The following LMOD1 variants were observed in gnomAD, a reference collection of about 807,000 sequenced individuals.
The protein encoded by LMOD1 is leiomodin-1.
Under a neutral mutation model 36.5 loss-of-function variants are expected in LMOD1, and 8 were observed. The observed-to-expected ratio is 0.22, with a 90% CI of 0.13 to 0.40. LMOD1 has a LOEUF of 0.40. Ranked by LOEUF, LMOD1 falls within the 10% of genes least tolerant of loss-of-function variation. LMOD1 has a pLI of 1.00. For synonymous variants in LMOD1, 284 were observed against 288.7 expected (o/e 0.98, Z 0.17); for missense variants, 630 against 751.1 (o/e 0.84, Z 1.88).
In LMOD1 at chr1:201,899,182, C is replaced by T. The variant is rs1439937083; in HGVS notation, c.1776+55G>A. 16 of 1,477,962 alleles carry T rather than the reference C, an allele frequency of 1.1e-5. No homozygotes were observed. The highest frequency in any genetic ancestry group is 1.5e-5 in the Non-Finnish European group (16 of 1,101,716). 91.6% of individuals were successfully genotyped at this position (1,477,962 alleles called of 1,614,324 possible). A position where few individuals can be genotyped will look rare whatever the true frequency, so the allele number is the denominator to read the frequency against. On this transcript the variant is annotated intron_variant, in intron 2 of 2. Transcript: ENST00000367288. The surrounding 1 kb of genome is among the most constrained non-coding windows in gnomAD (Gnocchi z 6.3). ...GCCTTCCCTTTTGCAGTCCTACCCT[C>T]TCCTCCAGGCCCTACCCAGCCCCGC...
chr1:201,901,583 T>C (rs201380092), intron 1 of LMOD1, among the ~76,000 whole-genome samples: 7,040 of 18,276 alleles, frequency 0.39, 1,067 homozygotes, highest in East Asian at 0.52. Flanking sequence ...TATATATATA[T>C]ACATATATAT....
At chr1:201,930,394 T>A (rs1243537375) in intron 1 of LMOD1, among the ~76,000 whole-genome samples, 1 of 151,962 alleles carries the variant, frequency 6.6e-6, no homozygotes. Flanking sequence ...TTCAGAGAGA[T>A]CATAGAGGCA....
chr1:201,912,215 A>C (rs1681507281), intron 1 of LMOD1, among the ~76,000 whole-genome samples: 1 of 152,202 alleles, frequency 6.6e-6, no homozygotes, highest in Admixed American at 6.5e-5. Context: ...CTGCAGCCTC[A>C]TCTACTTCCT....
chr1:201,904,653 T>C, intron 1 of LMOD1, among the ~76,000 whole-genome samples: 1 of 152,180 alleles, frequency 6.6e-6, no homozygotes, highest in Non-Finnish European at 1.5e-5. Flanking sequence ...TGTCTGTTCT[T>C]GAGGAGGTGT....
intron 1 of LMOD1, among the ~76,000 whole-genome samples, chr1:201,907,359 C>G (rs1681428077): frequency 6.6e-6 from 1 of 152,276 alleles, no homozygotes; most frequent in East Asian, 1.9e-4. Flanking sequence ...ACAAGAAAGC[C>G]TTGAATAGGA....
In LMOD1 at chr1:201,899,937, G is replaced by C. The variant is rs769123328; in HGVS notation, c.1076C>G (p.Thr359Ser). 1 of 1,613,878 alleles carries C rather than the reference G, an allele frequency of 6.2e-7. No individual in the cohort carries two copies. Among genetic ancestry groups the C allele is most frequent in the East Asian group, 2.2e-5 (1 of 44,896 alleles). Reference sequence around the variant, plus strand: ...GGCCAAGGCGAACAGCTTAACCACAGTGTTGAACTCCAGAGCCTCAGTAAA... The same window carrying C: ...GGCCAAGGCGAACAGCTTAACCACACTGTTGAACTCCAGAGCCTCAGTAAA... ...VRFTEALEFN[T>S]VVKLFALANT... The change falls in exon 2 of 3, where the codon ACT becomes AGT. Residue 359 changes from threonine to serine, a missense_variant. Coordinates refer to ENST00000367288, the MANE Select transcript of LMOD1 (RefSeq NM_012134.3). This position sits in a 1 kb window ranked among gnomAD's most constrained non-coding sequence, Gnocchi z 6.3.
intron 1 of LMOD1, among the ~76,000 whole-genome samples, chr1:201,909,397 A>ATTTC (rs1379838152): frequency 2.0e-5 from 3 of 152,160 alleles, no homozygotes; most frequent in African/African-American, 7.2e-5. Context: ...TTGAGCCCAT[A>ATTTC]TTTCTTTCTT....
chr1:201,944,732 C>CGG (rs55994652), intron 1 of LMOD1, among the ~76,000 whole-genome samples: 5 of 146,914 alleles, frequency 3.4e-5, no homozygotes, highest in African/African-American at 7.6e-5. Flanking sequence ...GGTGGTGGGG[C>CGG]GGGGGGGGGC....
At chr1:201,906,770 C>T (rs183256555) in intron 1 of LMOD1, among the ~76,000 whole-genome samples, 1 of 152,334 alleles carries the variant, frequency 6.6e-6, no homozygotes, top group East Asian at 1.9e-4. Flanking sequence ...TGGCTGACCC[C>T]TGTAATCCTG....
intron 1 of LMOD1, among the ~76,000 whole-genome samples, chr1:201,936,069 C>G (rs535385025): frequency 7.4e-6 from 1 of 134,238 alleles, no homozygotes; most frequent in South Asian, 2.5e-4. Flanking sequence ...GAGCCGAGAT[C>G]ACACCATTGC....
At chr1:201,934,680 G>A (rs1251938711) in intron 1 of LMOD1, among the ~76,000 whole-genome samples, 3 of 152,024 alleles carry the variant, frequency 2.0e-5, no homozygotes, top group Admixed American at 6.6e-5. Flanking sequence ...TCTCTCTTTT[G>A]AGTCCACTAT....
At chr1:201,934,387 G>A (rs939323256) in intron 1 of LMOD1, among the ~76,000 whole-genome samples, 1 of 152,030 alleles carries the variant, frequency 6.6e-6, no homozygotes, top group Non-Finnish European at 1.5e-5. Context: ...CTGTATCTTG[G>A]CCCATCTCTG....
At chr1:201,911,714 G>T (rs1050014978) in intron 1 of LMOD1, among the ~76,000 whole-genome samples, 3 of 152,106 alleles carry the variant, frequency 2.0e-5, no homozygotes, top group Admixed American at 6.6e-5. Context: ...CACACCATCA[G>T]GAGTCAGGGT....
Position 201,900,496 on chromosome 1 carries a change from C to G in LMOD1, c.517G>C (p.Gly173Arg). 1 of 1,613,828 alleles carries G rather than the reference C, an allele frequency of 6.2e-7. No homozygotes were observed. The highest frequency in any genetic ancestry group is 1.7e-5 in the Admixed American group (1 of 59,986). Reference sequence around the variant, plus strand: ...CTCTCCTCTCCTCTCCCATCCTTCCCTGCCTCCTTCTTATCCACTGCAGCC... The same window carrying G: ...CTCTCCTCTCCTCTCCCATCCTTCCGTGCCTCCTTCTTATCCACTGCAGCC... ...VRAAVDKKEA[G>R]KDGRGEERAV... The change falls in exon 2 of 3, where the codon GGG becomes CGG. Residue 173 changes from glycine to arginine, a missense_variant. By Grantham distance (125) the Gly-to-Arg change is moderately radical. Transcript: ENST00000367288.
intron 1 of LMOD1, among the ~76,000 whole-genome samples, chr1:201,902,268 A>T (rs1035128302): frequency 6.6e-6 from 1 of 151,862 alleles, no homozygotes; most frequent in East Asian, 1.9e-4. Flanking sequence ...AAGGACAAGC[A>T]TCTCTCTGTG....
chr1:201,926,476 A>G (rs760233493), intron 1 of LMOD1, among the ~76,000 whole-genome samples: 1 of 152,206 alleles, frequency 6.6e-6, no homozygotes, highest in Non-Finnish European at 1.5e-5. Flanking sequence ...TGGAAAGTGT[A>G]TTTATTGGGA....
chr1:201,934,771 T>C (rs1681988171), intron 1 of LMOD1, among the ~76,000 whole-genome samples: 1 of 152,238 alleles, frequency 6.6e-6, no homozygotes, highest in Admixed American at 6.5e-5. Context: ...CTGTCTCACC[T>C]TATTAAACCT....
intron 1 of LMOD1, among the ~76,000 whole-genome samples, chr1:201,917,330 C>A (rs372851488): frequency 6.6e-6 from 1 of 152,208 alleles, no homozygotes; most frequent in Non-Finnish European, 1.5e-5. Context: ...AGGCCCTTAC[C>A]CCTACCACCA....
chr1:201,939,211 G>A (rs1682073821), intron 1 of LMOD1, among the ~76,000 whole-genome samples: 1 of 151,754 alleles, frequency 6.6e-6, no homozygotes, highest in Admixed American at 6.6e-5. Flanking sequence ...AAACTCTGAA[G>A]AGTTTAGAGT....
Sources: allele counts gnomAD v4.1 joint callset (sites outside exome capture counted in the v4.1 genomes callset), GRCh38; gene constraint gnomAD v4.1.1; non-coding constraint Gnocchi (gnomAD v3.1); transcripts MANE v1.5; gene names NCBI Gene and HGNC (gene_info 2026-07-23, HGNC 2026-07-21).